The following WWOX variants were observed in gnomAD, a reference collection of about 807,000 sequenced individuals.
The protein encoded by WWOX is WW domain containing oxidoreductase, also known as WW domain-containing oxidoreductase.
WWOX carries 69 observed loss-of-function variants against 46.2 expected under a neutral mutation model. The observed-to-expected ratio is 1.49, with a 90% CI of 1.23 to 1.82. The LOEUF (loss-of-function observed/expected upper bound fraction) is 1.82. Among genes scored for constraint, WWOX ranks in the 40% most tolerant of loss-of-function variants. The pLI is 0.00. For missense variants in WWOX, 919 were observed against 542.6 expected, an observed-to-expected ratio of 1.69 and a Z score of -6.89; for synonymous variants, 359 against 202.6, an observed-to-expected ratio of 1.77 and a Z score of -6.56.
intron 8 of WWOX, among the ~76,000 whole-genome samples, chr16:78,904,007 T>A (rs2044894852): frequency 1.3e-5 from 2 of 152,140 alleles, no homozygotes; most frequent in Admixed American, 1.3e-4. Flanking sequence ...CTATAAGCTA[T>A]AATCATATAT....
intron 5 of WWOX, among the ~76,000 whole-genome samples, chr16:78,378,733 A>T (rs2081886356): frequency 6.6e-6 from 1 of 152,220 alleles, no homozygotes; most frequent in African/African-American, 2.4e-5. Context: ...AATGCAATTA[A>T]GGCCCATTGG....
At chr16:78,716,069 A>G (rs920606333) in intron 8 of WWOX, among the ~76,000 whole-genome samples, 4 of 135,906 alleles carry the variant, frequency 2.9e-5, no homozygotes, top group African/African-American at 3.2e-5. Flanking sequence ...AGGAAAGGGG[A>G]AAAAAAAAAT....
chr16:78,614,913 A>G (rs1028368654), intron 8 of WWOX, among the ~76,000 whole-genome samples: 1 of 151,854 alleles, frequency 6.6e-6, no homozygotes, highest in Non-Finnish European at 1.5e-5. Context: ...CCATTCTTAG[A>G]TTTTCCTTTT....
At chr16:78,265,559 T>G (rs559653659) in intron 5 of WWOX, among the ~76,000 whole-genome samples, 1 of 151,900 alleles carries the variant, frequency 6.6e-6, no homozygotes, top group African/African-American at 2.4e-5. Flanking sequence ...ATGCCTGTAA[T>G]CCCAGCTACT....
chr16:78,355,282 T>G (rs11866512), intron 5 of WWOX, among the ~76,000 whole-genome samples: 1 of 152,038 alleles, frequency 6.6e-6, no homozygotes, highest in Non-Finnish European at 1.5e-5. Flanking sequence ...TGTATACATA[T>G]ACGTATATGT....
rs113745841 is a variant in WWOX at position 78,391,002 on chromosome 16, A to C, written c.605+4054A>C. ...TTCCCTTGGTCCATGCTCCATCTCA[A>C]GTGTTTCTCCACACTGGGATAGGCA... On this transcript the variant is annotated intron_variant, in intron 6 of 8. Transcript: ENST00000566780. Among the ~76,000 whole-genome samples, 377 of 152,242 alleles carry C rather than the reference A, an allele frequency of 2.5e-3. 3 individuals are homozygous for C. The highest frequency in any genetic ancestry group is 8.9e-3 in the African/African-American group (368 of 41,540).
At chr16:78,729,216 C>T (rs987180412) in intron 8 of WWOX, among the ~76,000 whole-genome samples, 1 of 151,844 alleles carries the variant, frequency 6.6e-6, no homozygotes, top group African/African-American at 2.4e-5. Flanking sequence ...GTGGTGCATG[C>T]CTGTTGTCCC....
intron 8 of WWOX, among the ~76,000 whole-genome samples, chr16:78,446,209 C>A (rs1055370085): frequency 9.9e-5 from 15 of 152,198 alleles, no homozygotes; most frequent in African/African-American, 3.6e-4. Context: ...ATACATCATA[C>A]TTGAGACCAT....
chr16:78,558,203 G>T (rs2044352725), intron 8 of WWOX, among the ~76,000 whole-genome samples: 1 of 152,082 alleles, frequency 6.6e-6, no homozygotes, highest in Non-Finnish European at 1.5e-5. Context: ...TATTTTCAGT[G>T]TTTTTGCCCT....
intron 8 of WWOX, among the ~76,000 whole-genome samples, chr16:78,711,241 T>C (rs2048438500): frequency 6.6e-6 from 1 of 152,326 alleles, no homozygotes; most frequent in African/African-American, 2.4e-5. Flanking sequence ...TTGTTTGAAA[T>C]GTTCAAAGTG....
chr16:78,209,773 GT>G, intron 5 of WWOX, among the ~76,000 whole-genome samples: 1 of 150,966 alleles, frequency 6.6e-6, no homozygotes, highest in South Asian at 2.1e-4. Flanking sequence ...GAATAATCAT[GT>G]ACAAATATAA....
intron 8 of WWOX, among the ~76,000 whole-genome samples, chr16:79,033,557 C>G (rs1221487930): frequency 6.6e-6 from 1 of 152,068 alleles, no homozygotes; most frequent in Non-Finnish European, 1.5e-5. Flanking sequence ...ACATGCGTAG[C>G]CACCCCTTTA....
intron 5 of WWOX, among the ~76,000 whole-genome samples, chr16:78,298,151 T>C (rs1245255767): frequency 1.3e-5 from 2 of 152,184 alleles, no homozygotes; most frequent in Non-Finnish European, 1.5e-5. Flanking sequence ...TCTGCAGCCC[T>C]GTAGAACTGT....
chr16:78,672,630 C>A (rs1254098376), intron 8 of WWOX, among the ~76,000 whole-genome samples: 1 of 152,182 alleles, frequency 6.6e-6, no homozygotes, highest in Non-Finnish European at 1.5e-5. Context: ...CAGATCTTAC[C>A]ATTTGCAAGG....
chr16:78,328,213 C>G (rs1008721792), intron 5 of WWOX, among the ~76,000 whole-genome samples: 2 of 152,048 alleles, frequency 1.3e-5, no homozygotes, highest in Admixed American at 6.6e-5. Flanking sequence ...ACCTGTAACT[C>G]AAATTCCCGA....
At chr16:78,386,687 C>A (rs916075466) in intron 5 of WWOX, among the ~76,000 whole-genome samples, 173 bp from the exon 6 acceptor site, 1 of 149,858 alleles carries the variant, frequency 6.7e-6, no homozygotes, top group African/African-American at 2.5e-5. Flanking sequence ...CCTCCCCGAA[C>A]TTGGCAGTAA....
intron 8 of WWOX, among the ~76,000 whole-genome samples, chr16:78,810,987 C>T (rs534523993): frequency 6.6e-5 from 10 of 152,206 alleles, no homozygotes; most frequent in East Asian, 3.9e-4. Context: ...GAACCGAGGA[C>T]GCATCAAAGA....
intron 8 of WWOX, among the ~76,000 whole-genome samples, chr16:78,884,311 G>C (rs951718160): frequency 5.2e-5 from 7 of 135,434 alleles, no homozygotes; most frequent in African/African-American, 1.6e-4. Context: ...CCATTTTTAA[G>C]ACTATGACTG....
intron 8 of WWOX, among the ~76,000 whole-genome samples, chr16:78,443,918 G>A (rs2083501050): frequency 6.6e-6 from 1 of 152,104 alleles, no homozygotes; most frequent in South Asian, 2.1e-4. Context: ...GGAGGCCAGC[G>A]TGATTAAACC....
Sources: gnomAD v4.1 joint callset for allele counts (sites outside exome capture counted in the v4.1 genomes callset) on GRCh38, gnomAD v4.1.1 for gene constraint, MANE v1.5 for transcripts, NCBI Gene and HGNC (gene_info 2026-07-23, HGNC 2026-07-21) for gene names.